Variants in PCDHA6 observed in about 807,000 individuals in gnomAD.
The protein encoded by PCDHA6 is protocadherin alpha 6.
PCDHA6 carries 55 observed loss-of-function variants against 60.3 expected under a neutral mutation model. The ratio of observed to expected loss-of-function variants is 0.91; its 90% CI spans 0.73 to 1.14. The LOEUF is 1.14. Ranked by LOEUF, PCDHA6 falls within the 50% of genes most tolerant of loss-of-function variation. The pLI is 0.00. For missense variants in PCDHA6, 1,327 were observed against 1,256.5 expected (o/e 1.06, Z -0.85); for synonymous variants, 652 against 557.9 (o/e 1.17, Z -2.38).
At chr5:140,871,697 A>G (rs2053267729) in intron 1 of PCDHA6, 3 of 935,180 alleles carry the variant, frequency 3.2e-6, no homozygotes, top group Non-Finnish European at 3.1e-6. Flanking sequence ...GGCTTCTTTA[A>G]CCAATAAATG....
chr5:140,861,154 CA>C lies in PCDHA6; in HGVS notation c.2394+30673del, dbSNP rs782409708. On this transcript the variant is annotated intron_variant, in intron 1 of 3. Coordinates refer to ENST00000529310, the MANE Select transcript of PCDHA6 (RefSeq NM_018909.4). ...CACTTGGAACCTCAGGAACAAGGAC[CA>C]AAAGGTCTCAGAGGAACTAAGTCTT... The C allele has an allele frequency of 5.8e-4, 90 of 154,832 alleles. 1 individual carries two copies. The highest frequency in any genetic ancestry group is 1.2e-3 in the Non-Finnish European group (81 of 69,986). 9.6% of individuals were successfully genotyped at this position (154,832 alleles called of 1,614,324 possible). A position where few individuals can be genotyped will look rare whatever the true frequency, so the allele number is the denominator to read the frequency against.
chr5:140,920,780 G>A lies in PCDHA6; in HGVS notation c.2395-58169G>A, dbSNP rs187594262. Among the ~76,000 whole-genome samples the A allele has an allele frequency of 7.9e-3, 1,202 of 151,454 alleles. 5 individuals carry two copies. Among genetic ancestry groups the A allele is most frequent in the African/African-American group, 0.019 (781 of 41,244 alleles). ...AATTGCTTACACCTGGGAGGTGGAG[G>A]TTGCAGGGAACCAAGATCACGCCAC... On this transcript the variant is annotated intron_variant, in intron 1 of 3. Transcript: ENST00000529310.
chr5:140,941,214 C>CTTTCTTTCTTT (rs1554214039), intron 1 of PCDHA6, among the ~76,000 whole-genome samples: 7,707 of 122,054 alleles, frequency 0.063, 376 homozygotes, highest in South Asian at 0.093. Context: ...TTTCTTTCTT[C>CTTTCTTTCTTT]CTTTCTTTCT....
chr5:140,941,963 T>A (rs2093209364), intron 1 of PCDHA6, among the ~76,000 whole-genome samples: 1 of 152,230 alleles, frequency 6.6e-6, no homozygotes. Flanking sequence ...CAATAGTATC[T>A]TTACTTTCCC....
intron 1 of PCDHA6, chr5:140,848,481 GAC>G: frequency 6.4e-7 from 1 of 1,570,506 alleles, no homozygotes; most frequent in East Asian, 2.2e-5. Flanking sequence ...ATTAGAAGAA[GAC>G]TGAGTATTTG....
Position 140,829,948 on chromosome 5 carries a change from C to T in PCDHA6, c.1857C>T (p.Arg619=), listed in dbSNP as rs1770701254. Reference sequence around the variant, plus strand: ...TGCAGCCCCCGGCAAGCAGCGCTCGCTTCCCGTTTCGCGTGGGGCTGTACA... The same window carrying T: ...TGCAGCCCCCGGCAAGCAGCGCTCGTTTCCCGTTTCGCGTGGGGCTGTACA... ...YELQPPASSA[R]FPFRVGLYTG... The change falls in exon 1 of 4, where the codon CGC becomes CGT. Residue 619 remains arginine (R), a synonymous_variant. Transcript: ENST00000529310. The T allele has an allele frequency of 6.2e-7, 1 of 1,613,996 alleles. No homozygotes were observed. The highest frequency in any genetic ancestry group is 8.5e-7 in the Non-Finnish European group (1 of 1,179,918).
At chr5:140,942,546 TA>T (rs1380022033) in intron 1 of PCDHA6, among the ~76,000 whole-genome samples, 4 of 150,044 alleles carry the variant, frequency 2.7e-5, no homozygotes, top group African/African-American at 9.8e-5. Flanking sequence ...TGGTGGGGGG[TA>T]GGGGGTTGAG....
In PCDHA6 at chr5:140,828,106, G is replaced by A; in HGVS notation, c.15G>A (p.Pro5=). Residue 5 remains proline (P), a synonymous_variant, in exon 1 of 4, where the codon CCG becomes CCA. Coordinates refer to ENST00000529310, the MANE Select transcript of PCDHA6 (RefSeq NM_018909.4). MVFT[P]EDRLGKQCLL... is the part of the protein sequence containing the mutation. Reference sequence around the variant, plus strand: ...AGGTATTTGACATGGTGTTTACCCCGGAGGATAGATTGGGAAAGCAATGTC... The same window carrying A: ...AGGTATTTGACATGGTGTTTACCCCAGAGGATAGATTGGGAAAGCAATGTC... The A allele has an allele frequency of 2.5e-6, 4 of 1,610,640 alleles. No individual in the cohort carries two copies. Among genetic ancestry groups the A allele is most frequent in the Non-Finnish European group, 3.4e-6 (4 of 1,177,864 alleles).
chr5:140,953,951 A>C (rs1554221165), intron 1 of PCDHA6, among the ~76,000 whole-genome samples: 1 of 151,876 alleles, frequency 6.6e-6, no homozygotes, highest in Admixed American at 6.6e-5. Context: ...TGCTCCCCCA[A>C]CAGGCCCCAG....
intron 1 of PCDHA6, chr5:140,857,572 G>C: frequency 6.3e-7 from 1 of 1,596,716 alleles, no homozygotes; most frequent in Non-Finnish European, 8.6e-7. Flanking sequence ...GCTACGTGTC[G>C]GTGCACGCGG....
At chr5:140,941,950 A>C (rs2093203816) in intron 1 of PCDHA6, among the ~76,000 whole-genome samples, 1 of 152,172 alleles carries the variant, frequency 6.6e-6, no homozygotes, top group Admixed American at 6.5e-5. Context: ...TTTGTTTTGA[A>C]AACAATAGTA....
intron 1 of PCDHA6, among the ~76,000 whole-genome samples, chr5:140,940,207 G>C (rs1554213216): frequency 2.6e-5 from 4 of 152,094 alleles, no homozygotes; most frequent in Non-Finnish European, 5.9e-5. Context: ...TAAAATTCAA[G>C]ATTGGCATTT....
In PCDHA6 at chr5:140,941,217, T is replaced by TTC. The variant is rs1483555953; in HGVS notation, c.2395-37730_2395-37729dup. Among the ~76,000 whole-genome samples, 308 of 126,180 alleles carry TTC rather than the reference T, an allele frequency of 2.4e-3. 1 individual carries two copies. Among genetic ancestry groups the TTC allele is most frequent in the African/African-American group, 9.4e-3 (294 of 31,220 alleles). The allele number at this position is 126,180 out of a possible 152,430, so 82.8% of individuals were successfully genotyped here. On this transcript the variant is annotated intron_variant, in intron 1 of 3. Coordinates refer to ENST00000529310, the MANE Select transcript of PCDHA6 (RefSeq NM_018909.4). ...TTTCTTTCTTCCTTTCTTTCTTCCT[T>TTC]TCTTTCTTTCTTTCTTTCTTTCTTT...
At chr5:140,940,285 T>C (rs2092587239) in intron 1 of PCDHA6, among the ~76,000 whole-genome samples, 3 of 152,222 alleles carry the variant, frequency 2.0e-5, no homozygotes, top group Admixed American at 6.5e-5. Context: ...CTCATTGTGC[T>C]GCTTCATCAG....
At chr5:140,856,081 G>T in intron 1 of PCDHA6, 1 of 1,595,042 alleles carries the variant, frequency 6.3e-7, no homozygotes, top group Non-Finnish European at 8.6e-7. Context: ...TGGGGGTCCA[G>T]TGTCTGCTGC....
At chr5:140,997,897 A>C (rs13175095) in intron 3 of PCDHA6, among the ~76,000 whole-genome samples, 9,880 of 152,266 alleles carry the variant, frequency 0.065, 363 homozygotes, top group East Asian at 0.12. Flanking sequence ...GATAAATTTC[A>C]AGAAGTAGAA....
At chr5:140,966,695 C>CGGGCGTG in intron 1 of PCDHA6, 1 of 1,358,486 alleles carries the variant, frequency 7.4e-7, no homozygotes, top group Non-Finnish European at 9.5e-7. Flanking sequence ...AGGCGGGGCC[C>CGGGCGTG]GGGCGTGGGG....
At position 140,927,544 on chromosome 5, in the gene PCDHA6, C is replaced by G. The variant is rs1442526060; in HGVS notation, c.2395-51405C>G. 2.5e-6 allele frequency: 4 copies of G among 1,614,034 alleles called. No homozygotes were observed. The East Asian group carries it at 6.7e-5, about 27-fold the overall frequency. ...GCTACCTGCCCGCTCAGGAGACGCA[C>G]AAGTCACCATCATTGTGGTGGACAC... On this transcript the variant is annotated intron_variant, in intron 1 of 3. Transcript: ENST00000529310.
At chr5:140,883,080 A>T in intron 1 of PCDHA6, 1 of 1,614,140 alleles carries the variant, frequency 6.2e-7, no homozygotes, top group Non-Finnish European at 8.5e-7. Flanking sequence ...GATCCTGATG[A>T]TGGTACAAAT....
Sources: allele counts gnomAD v4.1 joint callset (sites outside exome capture counted in the v4.1 genomes callset), GRCh38; gene constraint gnomAD v4.1.1; transcripts MANE v1.5; gene names NCBI Gene and HGNC (gene_info 2026-07-23, HGNC 2026-07-21).